The following AGAP1 variants were observed in gnomAD, a reference collection of about 807,000 sequenced individuals.
AGAP1 encodes the protein ArfGAP with GTPase domain, ankyrin repeat and PH domain 1.
A neutral mutation model predicts 105.3 loss-of-function variants in AGAP1; 29 were observed. The ratio of observed to expected loss-of-function variants is 0.28; its 90% CI spans 0.21 to 0.38. The LOEUF (loss-of-function observed/expected upper bound fraction) is 0.38, where lower values mean the gene tolerates loss of function less well. AGAP1 is among the 10% of genes least tolerant of loss of function. The pLI is 1.00. For synonymous variants in AGAP1, 509 were observed against 485.9 expected, an observed-to-expected ratio of 1.05 and a Z score of -0.63; for missense variants, 998 against 1,165.1, an observed-to-expected ratio of 0.86 and a Z score of 2.09.
At chr2:235,773,507 G>T (rs1955620543) in intron 6 of AGAP1, among the ~76,000 whole-genome samples, 1 of 152,170 alleles carries the variant, frequency 6.6e-6, no homozygotes, top group Non-Finnish European at 1.5e-5. Context: ...GCAGGGAGGG[G>T]GTTGCAAAGG....
intron 1 of AGAP1, among the ~76,000 whole-genome samples, chr2:235,565,178 C>G (rs1237631568): frequency 1.3e-5 from 2 of 151,688 alleles, no homozygotes; most frequent in African/African-American, 4.8e-5. Context: ...CACCCACGGC[C>G]AGGTGTGAGC....
intron 6 of AGAP1, among the ~76,000 whole-genome samples, chr2:235,756,126 T>C (rs1953907197): frequency 6.6e-6 from 1 of 152,202 alleles, no homozygotes; most frequent in Non-Finnish European, 1.5e-5. Flanking sequence ...TGTCGTTCCC[T>C]GCAGTTAGGT....
In AGAP1 at chr2:235,876,868, A is replaced by G. The variant is rs1421182076; in HGVS notation, c.1051-6477A>G. Among the ~76,000 whole-genome samples the G allele has an allele frequency of 2.9e-5, 4 of 137,800 alleles. No individual in the cohort carries two copies. The South Asian group carries it at 6.8e-4, about 24-fold the overall frequency. 90.4% of individuals were successfully genotyped at this position (137,800 alleles called of 152,430 possible). On this transcript the variant is annotated intron_variant, in intron 9 of 17. Coordinates refer to ENST00000304032, the MANE Select transcript of AGAP1 (RefSeq NM_001037131.3). ...AACCTTTTTTTTTTTTTTTTTTGAG[A>G]CAGAGTTTCACTCTTGTTGCCCAGT...
intron 6 of AGAP1, chr2:235,773,906 T>G (rs1024167281): frequency 2.2e-6 from 1 of 453,796 alleles, no homozygotes; most frequent in Non-Finnish European, 4.5e-6. Context: ...CTTTTCTTGC[T>G]TGAGATATTT....
rs1044457728 is a variant in AGAP1, at chr2:235,692,343, C to A, written c.164-16836C>A. 5.9e-5 allele frequency among the ~76,000 whole-genome samples: 9 copies of A among 152,124 alleles called. No homozygotes were observed. The highest frequency in any genetic ancestry group is 2.2e-4 in the African/African-American group (9 of 41,420). The stretch of plus-strand genomic sequence containing the variant: ...AGTGGGGACCTTGCCTTCTCCAGCA[C>A]TGGGCCGTCCACTTTGCTCCTTTGT... On this transcript the variant is annotated intron_variant, in intron 1 of 17. Coordinates refer to ENST00000304032, the MANE Select transcript of AGAP1 (RefSeq NM_001037131.3). This position sits in a 1 kb window ranked among gnomAD's most constrained non-coding sequence, Gnocchi z 5.8.
At chr2:236,069,408 C>T (rs1303875681) in intron 16 of AGAP1, among the ~76,000 whole-genome samples, 1 of 152,036 alleles carries the variant, frequency 6.6e-6, no homozygotes, top group East Asian at 1.9e-4. Context: ...GAGCATAGCA[C>T]ATGATATAAA....
chr2:235,706,210 T>C (rs927143623), intron 1 of AGAP1, among the ~76,000 whole-genome samples: 1 of 152,074 alleles, frequency 6.6e-6, no homozygotes, highest in African/African-American at 2.4e-5. Flanking sequence ...TTATTTTGTT[T>C]TGTTTTGTTT....
chr2:235,677,044 T>G (rs1486928287), intron 1 of AGAP1, among the ~76,000 whole-genome samples: 4 of 152,246 alleles, frequency 2.6e-5, no homozygotes, highest in African/African-American at 9.6e-5. Context: ...TGGTGTTGAT[T>G]GTTCCTTGTT....
At chr2:235,499,101 A>G (rs961129084) in intron 1 of AGAP1, among the ~76,000 whole-genome samples, 4 of 152,128 alleles carry the variant, frequency 2.6e-5, no homozygotes, top group Non-Finnish European at 5.9e-5. Flanking sequence ...TGAGGCCAGA[A>G]AGCTTAGGAC....
rs531716807 is a variant in AGAP1 at position 235,776,611 on chromosome 2, C to T, written c.674-21148C>T. On this transcript the variant is annotated intron_variant, in intron 6 of 17. Transcript: ENST00000304032. ...CAGTGCAGGGCGCCAGTATTTCCGC[C>T]CTCTGAATGTGGCACCACCTGTCCC... is the stretch of plus-strand genomic sequence containing the variant. Among the ~76,000 whole-genome samples, 6 of 152,256 alleles carry T rather than the reference C, an allele frequency of 3.9e-5. No homozygotes were observed. In the East Asian group the frequency reaches 1.2e-3, roughly 29 times the overall value.
rs115531488 is a variant in AGAP1 at position 236,048,578 on chromosome 2, A to C, written c.1892-481A>C. Among the ~76,000 whole-genome samples the C allele has an allele frequency of 2.9e-3, 444 of 152,202 alleles. 1 individual carries two copies. Among genetic ancestry groups the C allele is most frequent in the African/African-American group, 0.01 (422 of 41,530 alleles). The stretch of plus-strand genomic sequence containing the variant: ...TTGCAAGCATGCCCGTTGTGTACCT[A>C]CTGGAAACTTTGATGTGCCAGTGGC... On this transcript the variant is annotated intron_variant, in intron 15 of 17. Transcript: ENST00000304032.
intron 9 of AGAP1, among the ~76,000 whole-genome samples, chr2:235,816,588 A>G (rs1575542164): frequency 2.0e-5 from 3 of 151,706 alleles, no homozygotes; most frequent in South Asian, 4.2e-4. Context: ...TGCAAACACT[A>G]CATAGAAACA....
At chr2:235,909,956 G>A (rs1461807829) in intron 11 of AGAP1, among the ~76,000 whole-genome samples, 1 of 152,072 alleles carries the variant, frequency 6.6e-6, no homozygotes, top group African/African-American at 2.4e-5. Flanking sequence ...AGGAGGCAGA[G>A]GTTGCAGTGA....
At chr2:236,016,822 T>C (rs1347021968) in intron 13 of AGAP1, among the ~76,000 whole-genome samples, 1 of 152,172 alleles carries the variant, frequency 6.6e-6, no homozygotes, top group Non-Finnish European at 1.5e-5. Flanking sequence ...GCATATCCAA[T>C]TGTCCCTCAC....
At position 235,797,900 on chromosome 2, in the gene AGAP1, C is replaced by A. The variant is rs773958308; in HGVS notation, c.801+14C>A. On this transcript the variant is annotated intron_variant, in intron 7 of 17. Transcript: ENST00000304032. ...CACATCAGCCAGGTACGTTAGGTGA[C>A]ATGAGAAGTCAGACTCTTAGAACCA... is the stretch of plus-strand genomic sequence containing the variant. 3.1e-6 allele frequency: 5 copies of A among 1,613,842 alleles called. No individual in the cohort carries two copies. The South Asian group carries it at 3.3e-5, about 11-fold the overall frequency.
rs945896257 is a variant in AGAP1, at chr2:235,936,393, C to T, written c.1483+5470C>T. Among the ~76,000 whole-genome samples, 5 of 152,244 alleles carry T rather than the reference C, an allele frequency of 3.3e-5. No individual in the cohort carries two copies. The East Asian group carries it at 5.8e-4, about 18-fold the overall frequency. On this transcript the variant is annotated intron_variant, in intron 12 of 17. Coordinates refer to ENST00000304032, the MANE Select transcript of AGAP1 (RefSeq NM_001037131.3). This position sits in a 1 kb window ranked among gnomAD's most constrained non-coding sequence, Gnocchi z 4.7. ...GTAGACTCTGTGGTTATAAAGCAGC[C>T]GATCCTCAATGGAAAGCATTTGAGT...
At chr2:235,937,113 T>C (rs1213000347) in intron 12 of AGAP1, among the ~76,000 whole-genome samples, 1 of 152,224 alleles carries the variant, frequency 6.6e-6, no homozygotes, top group Non-Finnish European at 1.5e-5. Context: ...TTGGCTGGCA[T>C]TCAAAAGCGT....
intron 9 of AGAP1, among the ~76,000 whole-genome samples, chr2:235,863,426 G>A (rs1333810380): frequency 2.0e-5 from 3 of 152,224 alleles, no homozygotes; most frequent in African/African-American, 7.2e-5. Context: ...GCGCCCTACA[G>A]AACCTTCAAA....
rs1436360095 is a variant in AGAP1, at chr2:235,753,688, A to G, written c.673+3200A>G. ...ACAATTGCGCTCCATCCTGGGTGAC[A>G]GAGCGAGACTCTGTCTCAAAAAAAA... is the stretch of plus-strand genomic sequence containing the variant. On this transcript the variant is annotated intron_variant, in intron 6 of 17. Coordinates refer to ENST00000304032, the MANE Select transcript of AGAP1 (RefSeq NM_001037131.3). The surrounding 1 kb of genome is among the most constrained non-coding windows in gnomAD (Gnocchi z 4.5). Among the ~76,000 whole-genome samples, 5 of 151,960 alleles carry G rather than the reference A, an allele frequency of 3.3e-5. No homozygotes were observed. Among genetic ancestry groups the G allele is most frequent in the Non-Finnish European group, 7.4e-5 (5 of 67,996 alleles).
Sources: allele counts gnomAD v4.1 joint callset (sites outside exome capture counted in the v4.1 genomes callset), GRCh38; gene constraint gnomAD v4.1.1; non-coding constraint Gnocchi (gnomAD v3.1); transcripts MANE v1.5; gene names NCBI Gene and HGNC (gene_info 2026-07-23, HGNC 2026-07-21).